CHCHD5: variants seen among roughly 807,000 people sequenced by gnomAD.
CHCHD5 encodes the protein coiled-coil-helix-coiled-coil-helix domain containing 5.
A neutral mutation model predicts 16.0 loss-of-function variants in CHCHD5; 10 were observed. That is an observed-to-expected ratio of 0.63 (90% CI 0.39 to 1.06). The LOEUF (loss-of-function observed/expected upper bound fraction) is 1.06. Ranked by LOEUF, CHCHD5 falls within the 50% of genes least tolerant of loss-of-function variation. The pLI, the probability that CHCHD5 is intolerant of heterozygous loss-of-function variation, is 0.01. For missense variants in CHCHD5, 163 were observed against 153.4 expected (o/e 1.06, Z -0.33); for synonymous variants, 55 against 56.3 (o/e 0.98, Z 0.10).
In CHCHD5 at chr2:112,584,627, T is replaced by A. The variant is rs1685146974; in HGVS notation, c.-21T>A. On this transcript the variant is annotated 5_prime_UTR_variant, in exon 1 of 4. Transcript: ENST00000324913. The stretch of plus-strand genomic sequence containing the variant: ...GCGGGTCGTTCCCCCCGGACAGCCC[T>A]ACGCCGGCAAAGGTCTCGAGATGTG... 5.0e-6 allele frequency: 8 copies of A among 1,611,824 alleles called. No homozygotes were observed. The highest frequency in any genetic ancestry group is 5.1e-6 in the Non-Finnish European group (6 of 1,179,960).
chr2:112,587,587 C>T (rs1685261079), intron 3 of CHCHD5: 1 of 152,216 alleles, frequency 6.6e-6, no homozygotes, highest in Non-Finnish European at 1.5e-5. Context: ...TCCCTGAGCC[C>T]CTCCATCAAG....
upstream of CHCHD5, chr2:112,584,586 A>G: frequency 6.2e-7 from 1 of 1,610,810 alleles, no homozygotes; most frequent in African/African-American, 1.3e-5. Flanking sequence ...CGCCATGACA[A>G]CCGATACCGG....
chr2:112,586,219 C>G lies in CHCHD5; in HGVS notation c.163C>G (p.Arg55Gly), dbSNP rs771817041. 1.2e-6 allele frequency: 2 copies of G among 1,611,144 alleles called. No individual in the cohort carries two copies. Among genetic ancestry groups the G allele is most frequent in the Non-Finnish European group, 1.7e-6 (2 of 1,177,458 alleles). Reference protein sequence around the residue: ...TSSHPIIRQIRQACAQPFEAF... With the variant: ...TSSHPIIRQIGQACAQPFEAF... ...CCACAGCCCAATCATCCGCCAGATC[C>G]GCCAGGCCTGTGCTCAGCCTTTTGA... The change falls in exon 3 of 4, where the codon CGC (arginine) becomes GGC (glycine). Residue 55 changes from arginine to glycine, a missense_variant. Arg to Gly is a moderately radical substitution (Grantham distance 125, BLOSUM62 -2). Transcript: ENST00000324913.
intron 3 of CHCHD5, chr2:112,588,077 G>A (rs1298665017): frequency 6.6e-6 from 1 of 152,266 alleles, no homozygotes; most frequent in Non-Finnish European, 1.5e-5. Context: ...ATCACCTGAG[G>A]TCAGGAGTTT....
Position 112,586,148 on chromosome 2 carries a change from G to A in CHCHD5, c.143+34G>A, listed in dbSNP as rs771978425. On this transcript the variant is annotated intron_variant, in intron 2 of 3. Transcript: ENST00000324913. ...GGGCAAGTATGAGACAGTGTGGGGG[G>A]TGGGCAGTGGGGTGGGAATCTCCCA... 12 of 1,610,716 alleles carry A rather than the reference G, an allele frequency of 7.5e-6. No homozygotes were observed. The South Asian group carries it at 7.7e-5, about 10-fold the overall frequency.
At chr2:112,585,933 C>T in intron 1 of CHCHD5, 41 bp from the exon 2 acceptor site, 1 of 1,575,862 alleles carries the variant, frequency 6.3e-7, no homozygotes, top group Non-Finnish European at 8.6e-7. Context: ...CCCTTGCTTG[C>T]CTACTGCCTG....
Position 112,586,066 on chromosome 2 carries a change from G to A in CHCHD5, c.95G>A (p.Arg32Gln), listed in dbSNP as rs146594772. 2.6e-4 allele frequency: 419 copies of A among 1,614,212 alleles called. No individual in the cohort carries two copies. The African/African-American group carries it at 4.7e-3, about 18-fold the overall frequency. ...CVAAKPESWQ[R>Q]DCHYLKMSIA... ...GCGGCCAAGCCGGAATCCTGGCAGC[G>A]GGACTGTCACTACCTTAAGATGAGC... The change falls in exon 2 of 4, where the codon CGG (arginine) becomes CAG (glutamine). Residue 32 changes from arginine to glutamine, a missense_variant. By Grantham distance (43) the Arg-to-Gln change is conservative (BLOSUM62 1). Transcript: ENST00000324913.
chr2:112,586,855 C>A, intron 3 of CHCHD5: 3 of 387,940 alleles, frequency 7.7e-6, no homozygotes, highest in Non-Finnish European at 1.4e-5. Flanking sequence ...CTGGGGTGGC[C>A]AAAAAAAGGT....
chr2:112,584,751 C>A, intron 1 of CHCHD5, 102 bp downstream of exon 1: 1 of 1,403,622 alleles, frequency 7.1e-7, no homozygotes, highest in Non-Finnish European at 1.0e-6. Context: ...ACCAGCCTCC[C>A]TCCTTCTTGG....
At position 112,586,176 on chromosome 2, in the gene CHCHD5, G is replaced by A. The variant is rs1220350051; in HGVS notation, c.144-24G>A. 1.9e-6 allele frequency: 3 copies of A among 1,609,836 alleles called. No individual in the cohort carries two copies. The Admixed American group carries it at 5.0e-5, about 27-fold the overall frequency. On this transcript the variant is annotated intron_variant, in intron 2 of 3. Coordinates refer to ENST00000324913, the MANE Select transcript of CHCHD5 (RefSeq NM_032309.4). ...GGCAGTGGGGTGGGAATCTCCCAGG[G>A]GCTGAACTGCCCTACCCCCACAGCC...
chr2:112,588,776 C>G, intron 3 of CHCHD5, 90 bp from the exon 4 acceptor site: 5 of 1,017,524 alleles, frequency 4.9e-6, no homozygotes, highest in Non-Finnish European at 7.8e-6. Context: ...ACTGTGGGCT[C>G]TGCAGGGTCT....
chr2:112,586,164 G>GGGGGGGC, intron 2 of CHCHD5, 36 bp from the exon 3 acceptor site: 1 of 1,417,678 alleles, frequency 7.1e-7, no homozygotes, highest in Non-Finnish European at 9.9e-7. Flanking sequence ...AGTGGGGTGG[G>GGGGGGGC]AATCTCCCAG....
intron 3 of CHCHD5, chr2:112,587,956 G>C (rs1685269019): frequency 6.6e-6 from 1 of 152,392 alleles, no homozygotes; most frequent in Admixed American, 6.5e-5. Context: ...CCCCTGCCCT[G>C]ACAGTCTTCT....
rs201419705 is a variant in CHCHD5, at chr2:112,588,931, C to T, written c.*42C>T. The T allele has an allele frequency of 3.6e-3, 5,433 of 1,518,510 alleles. 101 individuals carry two copies. The African/African-American group carries it at 0.047, about 13-fold the overall frequency. 94.1% of individuals were successfully genotyped at this position (1,518,510 alleles called of 1,614,324 possible). A position where few individuals can be genotyped will look rare whatever the true frequency, so the allele number is the denominator to read the frequency against. ...AGGAAAACTGGACATGAATGACTGC[C>T]CCCACGCCCCTCCCCTGCAGAGTGG... On this transcript the variant is annotated 3_prime_UTR_variant, in exon 4 of 4. Transcript: ENST00000324913.
upstream of CHCHD5, chr2:112,584,490 G>C: frequency 1.2e-6 from 1 of 840,306 alleles, no homozygotes; most frequent in Non-Finnish European, 1.9e-6. Flanking sequence ...AGAAGAGGTA[G>C]GGCGCCGCCG....
Position 112,584,630 on chromosome 2 carries a change from G to A in CHCHD5, c.-18G>A. On this transcript the variant is annotated 5_prime_UTR_variant, in exon 1 of 4. Transcript: ENST00000324913. ...GGTCGTTCCCCCCGGACAGCCCTACGCCGGCAAAGGTCTCGAGATGTGAGT... is the reference window on the plus strand; with the variant it reads ...GGTCGTTCCCCCCGGACAGCCCTACACCGGCAAAGGTCTCGAGATGTGAGT... 6.2e-7 allele frequency: 1 copy of A among 1,612,054 alleles called. No homozygotes were observed. Among genetic ancestry groups the A allele is most frequent in the South Asian group, 1.1e-5 (1 of 89,112 alleles).
At position 112,589,003 on chromosome 2, in the gene CHCHD5, A is replaced by T; in HGVS notation, c.*114A>T. 1.4e-6 allele frequency: 1 copy of T among 738,996 alleles called. No individual in the cohort carries two copies. Among genetic ancestry groups the T allele is most frequent in the Non-Finnish European group, 2.4e-6 (1 of 420,994 alleles). 45.8% of individuals were successfully genotyped at this position (738,996 alleles called of 1,614,324 possible). On this transcript the variant is annotated 3_prime_UTR_variant, in exon 4 of 4. Transcript: ENST00000324913. ...GGACATGGGCCCGGCTTTCCTGGAT[A>T]TCAGGACTTCCAATAAATAAAGACT...
intron 2 of CHCHD5, 42 bp downstream of exon 2, chr2:112,586,156 T>C: frequency 1.5e-6 from 2 of 1,310,472 alleles, no homozygotes. Context: ...GGGTGGGCAG[T>C]GGGGTGGGAA....
intron 3 of CHCHD5, 63 bp downstream of exon 3, chr2:112,586,428 G>T (rs1324591936): frequency 1.2e-6 from 2 of 1,609,280 alleles, no homozygotes; most frequent in East Asian, 2.2e-5. Context: ...CCTTCTGGTT[G>T]TTCAGGGTAA....
Sources: gnomAD v4.1 joint callset for allele counts on GRCh38, gnomAD v4.1.1 for gene constraint, MANE v1.5 for transcripts, NCBI Gene and HGNC (gene_info 2026-07-23, HGNC 2026-07-21) for gene names.